The following AP3B1 variants were observed in gnomAD, a reference collection of about 807,000 sequenced individuals.
AP3B1 encodes adaptor related protein complex 3 subunit beta 1.
In AP3B1, 61 loss-of-function variants were observed where a neutral mutation model predicts 132.5. That is an observed-to-expected ratio of 0.46 (90% CI 0.37 to 0.57). The LOEUF (loss-of-function observed/expected upper bound fraction) is 0.57. AP3B1 is among the 20% of genes least tolerant of loss of function. The pLI is 0.00. For synonymous variants in AP3B1, 388 were observed against 438.3 expected, an observed-to-expected ratio of 0.89 and a Z score of 1.43; for missense variants, 1,120 against 1,289.4, an observed-to-expected ratio of 0.87 and a Z score of 2.01.
At chr5:78,141,000 TATC>T (rs1371840698) in intron 15 of AP3B1, 140 bp downstream of exon 15, 3 of 745,626 alleles carry the variant, frequency 4.0e-6, no homozygotes, top group Non-Finnish European at 7.2e-6. Context: ...TTTGCACTAG[TATC>T]ATCTAACATA....
chr5:78,242,603 C>T (rs1410820620), intron 2 of AP3B1, among the ~76,000 whole-genome samples: 1 of 151,952 alleles, frequency 6.6e-6, no homozygotes, highest in Non-Finnish European at 1.5e-5. Context: ...GACGAGGTTT[C>T]GCCATGTTGA....
chr5:78,278,855 A>T (rs967284582), intron 1 of AP3B1, among the ~76,000 whole-genome samples: 2 of 152,078 alleles, frequency 1.3e-5, no homozygotes, highest in Non-Finnish European at 2.9e-5. Context: ...TAAACTGTGC[A>T]TGCGAGGGAT....
chr5:78,092,891 C>T (rs78538324), intron 21 of AP3B1, among the ~76,000 whole-genome samples: 2,502 of 152,274 alleles, frequency 0.016, 71 homozygotes, highest in African/African-American at 0.054. Flanking sequence ...TTCAAGCAGT[C>T]CTCCTGTCTC....
intron 7 of AP3B1, among the ~76,000 whole-genome samples, chr5:78,193,771 T>TATATATATATATATATA (rs1491367040): frequency 2.6e-5 from 2 of 78,110 alleles, no homozygotes; most frequent in African/African-American, 1.1e-4. Flanking sequence ...TATATATATA[T>TATATATATATATATATA]TTTTTTTTTA....
chr5:78,193,761 TA>T lies in AP3B1; in HGVS notation c.787-12100del, dbSNP rs1351917808. ...ATATTTTTTTATATATATATATATA[TA>T]TATATATATTTTTTTTTTAGACAGA... On this transcript the variant is annotated intron_variant, in intron 7 of 26. Coordinates refer to ENST00000255194, the MANE Select transcript of AP3B1 (RefSeq NM_003664.5). Among the ~76,000 whole-genome samples, 7 of 119,586 alleles carry T rather than the reference TA, an allele frequency of 5.9e-5. 1 individual carries two copies. The highest frequency in any genetic ancestry group is 2.5e-4 in the South Asian group (1 of 3,972). The allele number at this position is 119,586 out of a possible 152,430, so 78.5% of individuals were successfully genotyped here.
At chr5:78,088,752 G>A (rs1197318662) in intron 22 of AP3B1, among the ~76,000 whole-genome samples, 2 of 152,146 alleles carry the variant, frequency 1.3e-5, no homozygotes, top group African/African-American at 4.8e-5. Flanking sequence ...TAGGCGCAGC[G>A]TGCTTGATTT....
In AP3B1 at chr5:78,023,818, T is replaced by G. The variant is rs115092137; in HGVS notation, c.2895-3029A>C. On this transcript the variant is annotated intron_variant, in intron 24 of 26. Coordinates refer to ENST00000255194, the MANE Select transcript of AP3B1 (RefSeq NM_003664.5). Reference sequence around the variant, plus strand: ...CAGGAAGACTACACAATGCAGTGAGTTGAAGGGTGAAGGGAAGATTGGCAA... The same window carrying G: ...CAGGAAGACTACACAATGCAGTGAGGTGAAGGGTGAAGGGAAGATTGGCAA... Among the ~76,000 whole-genome samples the G allele has an allele frequency of 4.3e-3, 654 of 151,896 alleles. 4 individuals carry two copies. The highest frequency in any genetic ancestry group is 0.015 in the African/African-American group (610 of 41,418).
rs1746239052 is a variant in AP3B1, at chr5:78,002,812, G to GAAGGGCTATTATTATAAATGA, written c.*69_*89dup. ...TGTATTCTACCCCCACTGCCAGATGGAAGGGCTATTATTATAAATGAAAGG... is the reference window on the plus strand; with the variant it reads ...TGTATTCTACCCCCACTGCCAGATGGAAGGGCTATTATTATAAATGAAAGGGCTATTATTATAAATGAAAGG... On this transcript the variant is annotated 3_prime_UTR_variant, in exon 27 of 27. Coordinates refer to ENST00000255194, the MANE Select transcript of AP3B1 (RefSeq NM_003664.5). The GAAGGGCTATTATTATAAATGA allele has an allele frequency of 6.9e-7, 1 of 1,439,004 alleles. No individual in the cohort carries two copies. The highest frequency in any genetic ancestry group is 1.7e-5 in the Admixed American group (1 of 59,808). The allele number at this position is 1,439,004 out of a possible 1,614,324, so 89.1% of individuals were successfully genotyped here. A position where few individuals can be genotyped will look rare whatever the true frequency, so the allele number is the denominator to read the frequency against.
intron 14 of AP3B1, among the ~76,000 whole-genome samples, chr5:78,152,357 C>T (rs1186382156): frequency 2.0e-5 from 3 of 151,866 alleles, no homozygotes; most frequent in Non-Finnish European, 4.4e-5. Context: ...AATCTTGTTA[C>T]TTGTTTTTGG....
chr5:78,203,328 G>A (rs1745372615), intron 7 of AP3B1, among the ~76,000 whole-genome samples: 1 of 152,158 alleles, frequency 6.6e-6, no homozygotes, highest in Non-Finnish European at 1.5e-5. Context: ...CATGGAGGAA[G>A]GCACCTCTTA....
chr5:78,168,899 C>T (rs533812622), intron 11 of AP3B1, among the ~76,000 whole-genome samples: 3 of 152,162 alleles, frequency 2.0e-5, no homozygotes, highest in South Asian at 2.1e-4. Context: ...TTGACATTTT[C>T]GCTAATTATA....
At chr5:78,199,207 A>G (rs72776472) in intron 7 of AP3B1, among the ~76,000 whole-genome samples, 28,030 of 152,194 alleles carry the variant, frequency 0.18, 2,838 homozygotes, top group Admixed American at 0.27. Flanking sequence ...TTATGACTAG[A>G]TTCAGCTCTA....
At chr5:78,006,579 A>T (rs1265545161) in intron 26 of AP3B1, among the ~76,000 whole-genome samples, 1 of 152,228 alleles carries the variant, frequency 6.6e-6, no homozygotes, top group African/African-American at 2.4e-5. Flanking sequence ...TGAAAAATAC[A>T]AAGCCTTTTT....
At chr5:78,180,022 T>G (rs1744302421) in intron 8 of AP3B1, among the ~76,000 whole-genome samples, 1 of 152,142 alleles carries the variant, frequency 6.6e-6, no homozygotes, top group East Asian at 1.9e-4. Flanking sequence ...TTCTAAGACC[T>G]AGTTAAATGA....
In AP3B1 at chr5:78,141,259, T is replaced by C. The variant is rs1753135110; in HGVS notation, c.1534A>G (p.Lys512Glu). The C allele has an allele frequency of 6.2e-7, 1 of 1,613,788 alleles. No individual in the cohort carries two copies. Among genetic ancestry groups the C allele is most frequent in the Non-Finnish European group, 8.5e-7 (1 of 1,179,766 alleles). Residue 512 changes from lysine to glutamate, a missense_variant, in exon 15 of 27, where the codon AAA becomes GAA. Physicochemically the swap from Lys to Glu is moderately conservative, Grantham distance 56. Around this residue, in one of 3 missense-constraint regions of AP3B1, gnomAD observed 906 missense variants for 997.1 expected, o/e 0.91. Coordinates refer to ENST00000255194, the MANE Select transcript of AP3B1 (RefSeq NM_003664.5). ...LIGENCERVPKIAPDVLRKMA... is the reference protein window; with the variant it reads ...LIGENCERVPEIAPDVLRKMA... Reference sequence around the variant, plus strand: ...TTCCTCAAAACATCAGGGGCAATTTTAGGAACTCGTTCACAGTTTTCTCCA... The same window carrying C: ...TTCCTCAAAACATCAGGGGCAATTTCAGGAACTCGTTCACAGTTTTCTCCA...
intron 1 of AP3B1, among the ~76,000 whole-genome samples, chr5:78,281,434 C>CAAAAAAAAAAAAAA (rs36002317): frequency 2.9e-5 from 2 of 68,254 alleles, no homozygotes; most frequent in African/African-American, 6.1e-5. Context: ...AACTCTGCCT[C>CAAAAAAAAAAAAAA]AAAAAAAAAA....
intron 22 of AP3B1, among the ~76,000 whole-genome samples, chr5:78,059,364 T>C (rs2112140426): frequency 6.6e-6 from 1 of 152,350 alleles, no homozygotes; most frequent in South Asian, 2.1e-4. Flanking sequence ...AAATTTGCAC[T>C]GTTTTAAGCC....
chr5:78,252,102 C>T (rs1420993208), intron 2 of AP3B1, among the ~76,000 whole-genome samples: 1 of 152,158 alleles, frequency 6.6e-6, no homozygotes, highest in Non-Finnish European at 1.5e-5. Flanking sequence ...GAACTTGCTG[C>T]CTTGAAGGAA....
At chr5:78,171,858 T>C (rs1743932266) in intron 11 of AP3B1, among the ~76,000 whole-genome samples, 1 of 152,250 alleles carries the variant, frequency 6.6e-6, no homozygotes, top group Admixed American at 6.5e-5. Context: ...CCATTCAGTA[T>C]GATATTGGCA....
Sources: allele counts gnomAD v4.1 joint callset (sites outside exome capture counted in the v4.1 genomes callset), GRCh38; gene constraint gnomAD v4.1.1; regional missense constraint gnomAD v4.1.1; transcripts MANE v1.5; gene names NCBI Gene and HGNC (gene_info 2026-07-23, HGNC 2026-07-21).